The following COL23A1 variants were observed in gnomAD, a reference collection of about 807,000 sequenced individuals.
COL23A1 encodes collagen alpha-1(XXIII) chain.
Under a neutral mutation model 99.3 loss-of-function variants are expected in COL23A1, and 97 were observed. That is an observed-to-expected ratio of 0.98 (90% CI 0.83 to 1.16). COL23A1 has a LOEUF of 1.16. COL23A1 is among the 50% of genes most tolerant of loss of function. The pLI, the probability that COL23A1 is intolerant of heterozygous loss-of-function variation, is 0.00. For missense variants in COL23A1, 762 were observed against 757.4 expected, an observed-to-expected ratio of 1.01 and a Z score of -0.07; for synonymous variants, 320 against 308.2, an observed-to-expected ratio of 1.04 and a Z score of -0.40.
intron 2 of COL23A1, among the ~76,000 whole-genome samples, chr5:178,475,576 G>A (rs1756984175): frequency 6.6e-6 from 1 of 152,220 alleles, no homozygotes; most frequent in Admixed American, 6.5e-5. Context: ...TTACCCAATA[G>A]TGGCCTTGCC....
At chr5:178,331,353 G>A (rs1760009023) in intron 2 of COL23A1, among the ~76,000 whole-genome samples, 1 of 152,224 alleles carries the variant, frequency 6.6e-6, no homozygotes. Context: ...AACACACCTG[G>A]GTGGGTCCCA....
chr5:178,253,064 G>C (rs1441437071), intron 16 of COL23A1, among the ~76,000 whole-genome samples: 4 of 151,834 alleles, frequency 2.6e-5, no homozygotes, highest in African/African-American at 4.9e-5. Context: ...GCTGGGCCTA[G>C]GGAGTTCCTT....
chr5:178,315,321 T>A (rs1257069307), intron 2 of COL23A1, among the ~76,000 whole-genome samples: 1 of 152,084 alleles, frequency 6.6e-6, no homozygotes, highest in East Asian at 1.9e-4. Flanking sequence ...CCCGGTGGGC[T>A]GGGGATGGTA....
At chr5:178,433,460 C>T (rs112215942) in intron 2 of COL23A1, among the ~76,000 whole-genome samples, 10 of 152,270 alleles carry the variant, frequency 6.6e-5, no homozygotes, top group Middle Eastern at 3.4e-3. Context: ...CTCGGAACCT[C>T]GTTGCTGAGG....
At chr5:178,343,399 G>T (rs1760778697) in intron 2 of COL23A1, among the ~76,000 whole-genome samples, 1 of 152,128 alleles carries the variant, frequency 6.6e-6, no homozygotes, top group Non-Finnish European at 1.5e-5. Flanking sequence ...GATTAACCAA[G>T]AAACCTAGAA....
intron 2 of COL23A1, among the ~76,000 whole-genome samples, chr5:178,490,195 T>C (rs992419795): frequency 1.3e-5 from 2 of 151,850 alleles, no homozygotes; most frequent in Non-Finnish European, 2.9e-5. Context: ...AACTGCACTC[T>C]AGCCTGGGCA....
chr5:178,501,810 AG>A (rs1758552076), intron 2 of COL23A1, among the ~76,000 whole-genome samples: 2 of 152,196 alleles, frequency 1.3e-5, no homozygotes, highest in Non-Finnish European at 2.9e-5. Flanking sequence ...ACTGGAGACC[AG>A]GAACTCCCAC....
At chr5:178,367,004 TG>T (rs1762519156) in intron 2 of COL23A1, among the ~76,000 whole-genome samples, 1 of 152,192 alleles carries the variant, frequency 6.6e-6, no homozygotes, top group South Asian at 2.1e-4. Context: ...GGTGCGTGTT[TG>T]TTGAAACTGA....
At chr5:178,268,851 C>T (rs984946243) in intron 6 of COL23A1, 95 bp from the exon 7 acceptor site, 19 of 1,317,948 alleles carry the variant, frequency 1.4e-5, no homozygotes, top group African/African-American at 7.4e-5. Flanking sequence ...CAGAAGGGCC[C>T]GTGATGCTGG....
chr5:178,559,478 T>C (rs1194061937), intron 2 of COL23A1, among the ~76,000 whole-genome samples: 1 of 149,678 alleles, frequency 6.7e-6, no homozygotes, highest in Non-Finnish European at 1.5e-5. Flanking sequence ...CTGAGACACA[T>C]CACCCAAAAG....
chr5:178,262,186 C>T lies in COL23A1; in HGVS notation c.675+31G>A, dbSNP rs1197913999. ...GGTCTGGGAACCATGATCCTAGCAGCCCAGGCCTCTGGAATGCCCTGGATA... is the reference window on the plus strand; with the variant it reads ...GGTCTGGGAACCATGATCCTAGCAGTCCAGGCCTCTGGAATGCCCTGGATA... On this transcript the variant is annotated intron_variant, in intron 10 of 28. Transcript: ENST00000390654. The T allele has an allele frequency of 3.4e-5, 54 of 1,569,100 alleles. 1 individual carries two copies. The Admixed American group carries it at 1.0e-3, about 30-fold the overall frequency.
At chr5:178,326,087 C>G (rs73344878) in intron 2 of COL23A1, among the ~76,000 whole-genome samples, 1 of 152,166 alleles carries the variant, frequency 6.6e-6, no homozygotes. Flanking sequence ...GAGACAGGCC[C>G]ATTTTTTTTC....
intron 17 of COL23A1, 25 bp from the exon 18 acceptor site, chr5:178,250,130 G>A (rs1484172672): frequency 6.2e-7 from 1 of 1,613,912 alleles, no homozygotes; most frequent in Non-Finnish European, 8.5e-7. Context: ...ATGGCAAGAG[G>A]GGTTATGCCT....
Position 178,446,448 on chromosome 5 carries a change from AG to A in COL23A1, c.361+114233del, listed in dbSNP as rs1282191263. Reference sequence around the variant, plus strand: ...ATAATATTACCAGTGTTTATCACACAGAAAAAGCAAGATTATATAGTTGATT... The same window carrying A: ...ATAATATTACCAGTGTTTATCACACAAAAAAGCAAGATTATATAGTTGATT... On this transcript the variant is annotated intron_variant, in intron 2 of 28. Coordinates refer to ENST00000390654, the MANE Select transcript of COL23A1 (RefSeq NM_173465.4). 5.3e-5 allele frequency among the ~76,000 whole-genome samples: 8 copies of A among 152,284 alleles called. No individual in the cohort carries two copies. In the South Asian group the frequency reaches 6.2e-4, roughly 12 times the overall value.
intron 2 of COL23A1, among the ~76,000 whole-genome samples, chr5:178,405,274 C>A (rs531253890): frequency 2.8e-4 from 43 of 152,360 alleles, no homozygotes; most frequent in African/African-American, 9.9e-4. Context: ...TCAGTAAGTT[C>A]TCTTTTGCTT....
At chr5:178,408,975 T>TACACACAC (rs61457266) in intron 2 of COL23A1, among the ~76,000 whole-genome samples, 1,098 of 101,602 alleles carry the variant, frequency 0.011, 18 homozygotes, top group Non-Finnish European at 0.015. Flanking sequence ...AAAAAAAAAA[T>TACACACAC]ACACACACAC....
intron 3 of COL23A1, among the ~76,000 whole-genome samples, chr5:178,305,805 G>C (rs551677620): frequency 1.8e-4 from 28 of 152,276 alleles, no homozygotes; most frequent in Non-Finnish European, 4.0e-4. Context: ...AGAGAGAAGA[G>C]GACATGGGTC....
chr5:178,437,656 C>T (rs573145004), intron 2 of COL23A1, among the ~76,000 whole-genome samples: 2 of 152,304 alleles, frequency 1.3e-5, no homozygotes, highest in East Asian at 3.9e-4. Flanking sequence ...CCTGAGGGTA[C>T]CCACTGTCCC....
At chr5:178,358,753 CTGTGTGTGTGTA>C (rs1358426809) in intron 2 of COL23A1, among the ~76,000 whole-genome samples, 7 of 135,054 alleles carry the variant, frequency 5.2e-5, no homozygotes, top group African/African-American at 1.7e-4. Flanking sequence ...GTGTGTGTAT[CTGTGTGTGTGTA>C]TGTGTGTGTA....
Sources: gnomAD v4.1 joint callset for allele counts (sites outside exome capture counted in the v4.1 genomes callset) on GRCh38, gnomAD v4.1.1 for gene constraint, MANE v1.5 for transcripts, NCBI Gene and HGNC (gene_info 2026-07-23, HGNC 2026-07-21) for gene names.